ADAMTS12: variants seen among roughly 807,000 people sequenced by gnomAD.
The protein encoded by ADAMTS12 is A disintegrin and metalloproteinase with thrombospondin motifs 12.
In ADAMTS12, 118 loss-of-function variants were observed where a neutral mutation model predicts 167.8. The observed-to-expected ratio is 0.70, with a 90% CI of 0.61 to 0.82. The LOEUF (loss-of-function observed/expected upper bound fraction) is 0.82. ADAMTS12 is among the 40% of genes least tolerant of loss of function. ADAMTS12 has a pLI of 0.00. For missense variants in ADAMTS12, 1,916 were observed against 1,998.8 expected, an observed-to-expected ratio of 0.96 and a Z score of 0.79; for synonymous variants, 704 against 716.9, an observed-to-expected ratio of 0.98 and a Z score of 0.29.
intron 9 of ADAMTS12, among the ~76,000 whole-genome samples, chr5:33,647,287 GAGTA>G (rs771285487): frequency 3.7e-4 from 56 of 152,224 alleles, no homozygotes; most frequent in African/African-American, 1.2e-3. Flanking sequence ...ACTCACAGGG[GAGTA>G]AGTATTTATA....
At chr5:33,790,555 CAAA>C (rs35691545) in intron 2 of ADAMTS12, among the ~76,000 whole-genome samples, 4 of 104,806 alleles carry the variant, frequency 3.8e-5, no homozygotes, top group Non-Finnish European at 2.0e-5. Context: ...GACTCCATCT[CAAA>C]AAAAAAAAAA....
At chr5:33,643,497 TA>T in intron 9 of ADAMTS12, 27 bp from the exon 10 acceptor site, 1 of 1,607,572 alleles carries the variant, frequency 6.2e-7, no homozygotes, top group Non-Finnish European at 8.5e-7. Context: ...ACTTCTTTTG[TA>T]TTTTCAAAAC....
chr5:33,608,219 A>G (rs1332699712), intron 16 of ADAMTS12, among the ~76,000 whole-genome samples: 3 of 152,214 alleles, frequency 2.0e-5, no homozygotes, highest in Non-Finnish European at 4.4e-5. Flanking sequence ...AAGACACACA[A>G]AAAGCATCAA....
rs189811570 is a variant in ADAMTS12 at position 33,860,136 on chromosome 5, G to A, written c.489+20983C>T. Among the ~76,000 whole-genome samples the A allele has an allele frequency of 2.8e-4, 42 of 152,262 alleles. No individual in the cohort carries two copies. In the East Asian group the frequency reaches 6.2e-3, roughly 22 times the overall value. On this transcript the variant is annotated intron_variant, in intron 2 of 23. Transcript: ENST00000504830. ...AAGGATCACAACTCCTTGCCAGCAA[G>A]GGAAGAAAACTGGATGGAGAACGAC...
intron 2 of ADAMTS12, among the ~76,000 whole-genome samples, chr5:33,819,328 G>C (rs1435545274): frequency 6.6e-6 from 1 of 152,054 alleles, no homozygotes; most frequent in Non-Finnish European, 1.5e-5. Flanking sequence ...ATTTATTTAA[G>C]AGACTATTCT....
chr5:33,686,275 C>G (rs973157316), intron 3 of ADAMTS12, among the ~76,000 whole-genome samples: 1 of 152,190 alleles, frequency 6.6e-6, no homozygotes, highest in Non-Finnish European at 1.5e-5. Flanking sequence ...GAGGCTTCAG[C>G]TCACCTCAGC....
chr5:33,774,861 TTCC>T (rs1745862288), intron 2 of ADAMTS12, among the ~76,000 whole-genome samples: 1 of 152,208 alleles, frequency 6.6e-6, no homozygotes, highest in Non-Finnish European at 1.5e-5. Flanking sequence ...TTTCCCAAGT[TTCC>T]ACTATTGAGA....
At chr5:33,873,103 T>C (rs1750099761) in intron 2 of ADAMTS12, among the ~76,000 whole-genome samples, 1 of 149,756 alleles carries the variant, frequency 6.7e-6, no homozygotes, top group South Asian at 2.1e-4. Flanking sequence ...GAAATATAAG[T>C]ATACTAATTG....
chr5:33,680,164 G>A lies in ADAMTS12; in HGVS notation c.915+2854C>T, dbSNP rs185112348. On this transcript the variant is annotated intron_variant, in intron 5 of 23. Transcript: ENST00000504830. ...TGGCAAGTGGGAGGTAGAGAGCCAT[G>A]GCTTCCTGAAGCAAGTCATGTGTGT... Among the ~76,000 whole-genome samples, 183 of 152,338 alleles carry A rather than the reference G, an allele frequency of 1.2e-3. 1 individual carries two copies. The highest frequency in any genetic ancestry group is 4.3e-3 in the African/African-American group (180 of 41,576).
intron 5 of ADAMTS12, among the ~76,000 whole-genome samples, chr5:33,668,672 C>T (rs192957870): frequency 4.3e-4 from 66 of 152,174 alleles, no homozygotes; most frequent in East Asian, 3.9e-4. Flanking sequence ...TCGGTAGAGA[C>T]GGGGTTTCAC....
chr5:33,775,761 C>A (rs936522816), intron 2 of ADAMTS12, among the ~76,000 whole-genome samples: 1 of 152,186 alleles, frequency 6.6e-6, no homozygotes, highest in African/African-American at 2.4e-5. Flanking sequence ...AGACCCTCCA[C>A]GTGGGGTGCT....
intron 12 of ADAMTS12, among the ~76,000 whole-genome samples, chr5:33,637,023 T>TTTCATTCC (rs1740230071): frequency 6.6e-6 from 1 of 152,212 alleles, no homozygotes; most frequent in Admixed American, 6.5e-5. Flanking sequence ...GCTTTTGTTC[T>TTTCATTCC]TTCATTCCTA....
rs1414773527 is a variant in ADAMTS12 at position 33,562,970 on chromosome 5, G to T, written c.3973-1791C>A. Among the ~76,000 whole-genome samples, 3 of 152,172 alleles carry T rather than the reference G, an allele frequency of 2.0e-5. No homozygotes were observed. The East Asian group carries it at 5.8e-4, about 29-fold the overall frequency. On this transcript the variant is annotated intron_variant, in intron 19 of 23. Transcript: ENST00000504830. ...TAATTTTATGTTTCATTTTGTGCAC[G>T]TTCTTGTGTTACAACACATATATAA... is the stretch of plus-strand genomic sequence containing the variant.
chr5:33,856,748 A>G (rs949730237), intron 2 of ADAMTS12, among the ~76,000 whole-genome samples: 1 of 152,232 alleles, frequency 6.6e-6, no homozygotes, highest in Admixed American at 6.5e-5. Flanking sequence ...AAGACCAGGG[A>G]TAACAAGTTT....
chr5:33,891,876 A>G lies in ADAMTS12; in HGVS notation c.-20T>C, dbSNP rs762367875. The G allele has an allele frequency of 1.2e-6, 2 of 1,606,150 alleles. No individual in the cohort carries two copies. The highest frequency in any genetic ancestry group is 1.7e-6 in the Non-Finnish European group (2 of 1,177,006). On this transcript the variant is annotated 5_prime_UTR_variant, in exon 1 of 24. Coordinates refer to ENST00000504830, the MANE Select transcript of ADAMTS12 (RefSeq NM_030955.4). ...TGGCATGATTCAGATGTTGAGGAGA[A>G]GAAAAGTCAAAAAAGTTTTAGCCCT... is the stretch of plus-strand genomic sequence containing the variant.
chr5:33,633,112 T>G, intron 12 of ADAMTS12, among the ~76,000 whole-genome samples: 1 of 151,172 alleles, frequency 6.6e-6, no homozygotes, highest in Non-Finnish European at 1.5e-5. Flanking sequence ...ATACATTAAA[T>G]GCAGTGGGAT....
chr5:33,631,398 C>T (rs749530686), intron 12 of ADAMTS12, among the ~76,000 whole-genome samples: 52 of 152,152 alleles, frequency 3.4e-4, no homozygotes, highest in Non-Finnish European at 6.5e-4. Context: ...ACCTCCATCA[C>T]CACCAGCATA....
intron 22 of ADAMTS12, among the ~76,000 whole-genome samples, chr5:33,535,638 A>C (rs1271509609): frequency 1.3e-5 from 2 of 152,214 alleles, no homozygotes; most frequent in Non-Finnish European, 2.9e-5. Flanking sequence ...TCTTTGCATC[A>C]TGAGTATATG....
chr5:33,587,271 C>A (rs1356527026), intron 18 of ADAMTS12, among the ~76,000 whole-genome samples: 1 of 152,150 alleles, frequency 6.6e-6, no homozygotes, highest in Non-Finnish European at 1.5e-5. Flanking sequence ...AGGTGAAAAG[C>A]AATCTGTCAC....
Sources: allele counts gnomAD v4.1 joint callset (sites outside exome capture counted in the v4.1 genomes callset), GRCh38; gene constraint gnomAD v4.1.1; transcripts MANE v1.5; gene names NCBI Gene and HGNC (gene_info 2026-07-23, HGNC 2026-07-21).